ETAA1: variants seen among roughly 807,000 people sequenced by gnomAD.
ETAA1 encodes the protein ewing's tumor-associated antigen 1.
A neutral mutation model predicts 76.8 loss-of-function variants in ETAA1; 49 were observed. The ratio of observed to expected loss-of-function variants is 0.64; its 90% CI spans 0.51 to 0.81. The LOEUF (loss-of-function observed/expected upper bound fraction) is 0.81. ETAA1 is among the 30% of genes least tolerant of loss of function. ETAA1 has a pLI of 0.00. For missense variants in ETAA1, 1,099 were observed against 1,074.0 expected, an observed-to-expected ratio of 1.02 and a Z score of -0.32; for synonymous variants, 373 against 372.2, an observed-to-expected ratio of 1.00 and a Z score of -0.03.
At position 67,404,943 on chromosome 2, in the gene ETAA1, A is replaced by AG; in HGVS notation, c.2261_2262insG (p.Tyr754Ter). 3 of 1,613,120 alleles carry AG rather than the reference A, an allele frequency of 1.9e-6. No homozygotes were observed. The highest frequency in any genetic ancestry group is 2.5e-6 in the Non-Finnish European group (3 of 1,179,434). ...NCQINNLHVS[Y>*]TNTDVPIQVN... ...CAGATAAATAATCTGCATGTGTCTTATACTAACACTGATGTTCCAATACAA... is the reference window on the plus strand; with the variant it reads ...CAGATAAATAATCTGCATGTGTCTTAGTACTAACACTGATGTTCCAATACAA... The change falls in exon 5 of 6, where the codon TAT becomes TAGT. Residue 754 changes from tyrosine to a stop codon, truncating the protein, a stop_gained and frameshift_variant. Transcript: ENST00000272342. LOFTEE classifies it high-confidence loss of function.
rs1323117051 is a variant in ETAA1, at chr2:67,411,337, A to C, written c.*1299A>C. 6.6e-6 allele frequency: 1 copy of C among 152,078 alleles called. No homozygotes were observed. Among genetic ancestry groups the C allele is most frequent in the Non-Finnish European group, 1.5e-5 (1 of 68,004 alleles). The allele number at this position is 152,078 out of a possible 1,614,324, so 9.4% of individuals were successfully genotyped here. On this transcript the variant is annotated 3_prime_UTR_variant, in exon 6 of 6. Coordinates refer to ENST00000272342, the MANE Select transcript of ETAA1 (RefSeq NM_019002.4). ...TAGTTACTGCCCTATAGCTATACAG[A>C]TACTCCTCAACTTACCGTGTAGTTA...
intron 1 of ETAA1, among the ~76,000 whole-genome samples, chr2:67,398,060 G>A (rs964104394): frequency 6.6e-6 from 1 of 151,942 alleles, no homozygotes; most frequent in African/African-American, 2.4e-5. Flanking sequence ...TTTTTTCCCT[G>A]TGACCTGCTT....
Position 67,410,158 on chromosome 2 carries a change from T to TA in ETAA1, c.*120_*121insA. On this transcript the variant is annotated 3_prime_UTR_variant, in exon 6 of 6. Transcript: ENST00000272342. The stretch of plus-strand genomic sequence containing the variant: ...TGCTGACTTTTATAAAGCCTGGACT[T>TA]CTACTTTATTTAATAAATCAATGTT... 1.2e-6 allele frequency: 1 copy of TA among 864,772 alleles called. No homozygotes were observed. The highest frequency in any genetic ancestry group is 1.8e-6 in the Non-Finnish European group (1 of 547,844). 53.6% of individuals were successfully genotyped at this position (864,772 alleles called of 1,614,324 possible).
At chr2:67,400,624 T>TC (rs1676028746) in intron 3 of ETAA1, 1 of 152,226 alleles carries the variant, frequency 6.6e-6, no homozygotes, top group African/African-American at 2.4e-5. Flanking sequence ...CTTTTTGTTC[T>TC]CTTTTTCTTA....
intron 1 of ETAA1, 151 bp from the exon 2 acceptor site, chr2:67,399,018 G>A (rs1179791384): frequency 1.5e-6 from 1 of 668,956 alleles, no homozygotes; most frequent in African/African-American, 1.8e-5. Context: ...TGTGAAACAA[G>A]CATTTCTGTT....
At chr2:67,402,557 C>A in intron 3 of ETAA1, 1 of 158,794 alleles carries the variant, frequency 6.3e-6, no homozygotes, top group Non-Finnish European at 1.4e-5. Flanking sequence ...TAAAAACATG[C>A]TTCTGTTATT....
At position 67,404,029 on chromosome 2, in the gene ETAA1, A is replaced by G. The variant is rs1324600979; in HGVS notation, c.1347A>G (p.Ser449=). The G allele has an allele frequency of 6.2e-7, 1 of 1,607,972 alleles. No individual in the cohort carries two copies. ...GDSKVLQDLS[S]KTYDRELIDA... ...CAAAAGTATTACAAGATCTTTCTTCAAAGACATATGACAGAGAATTAATAG... is the reference window on the plus strand; with the variant it reads ...CAAAAGTATTACAAGATCTTTCTTCGAAGACATATGACAGAGAATTAATAG... Residue 449 remains serine, a synonymous_variant, in exon 5 of 6, where the codon TCA becomes TCG. Coordinates refer to ENST00000272342, the MANE Select transcript of ETAA1 (RefSeq NM_019002.4).
At chr2:67,405,374 T>C in intron 5 of ETAA1, 39 bp downstream of exon 5, 2 of 1,426,654 alleles carry the variant, frequency 1.4e-6, no homozygotes, top group Non-Finnish European at 9.4e-7. Flanking sequence ...TTGAAAAGCA[T>C]CTTAAAAAGT....
rs1676381675 is a variant in ETAA1 at position 67,411,892 on chromosome 2, C to T, written c.*1854C>T. 1 of 151,982 alleles carries T rather than the reference C, an allele frequency of 6.6e-6. No individual in the cohort carries two copies. The highest frequency in any genetic ancestry group is 2.4e-5 in the African/African-American group (1 of 41,408). The allele number at this position is 151,982 out of a possible 1,614,324, so 9.4% of individuals were successfully genotyped here. On this transcript the variant is annotated 3_prime_UTR_variant, in exon 6 of 6. Transcript: ENST00000272342. Reference sequence around the variant, plus strand: ...TTGGATATCTCTGTCCTTGCTTAAGCTCCTCCCTGCTTACTGCTTGCTTTT... The same window carrying T: ...TTGGATATCTCTGTCCTTGCTTAAGTTCCTCCCTGCTTACTGCTTGCTTTT...
intron 1 of ETAA1, among the ~76,000 whole-genome samples, chr2:67,398,838 A>G (rs1675973034): frequency 6.6e-6 from 1 of 152,200 alleles, no homozygotes; most frequent in Admixed American, 6.5e-5. Flanking sequence ...GGATTTTTGA[A>G]TGTACCTATA....
rs759808404 is a variant in ETAA1, at chr2:67,405,146, A to C, written c.2464A>C (p.Thr822Pro). 3 of 1,612,316 alleles carry C rather than the reference A, an allele frequency of 1.9e-6. No individual in the cohort carries two copies. The highest frequency in any genetic ancestry group is 3.3e-5 in the Admixed American group (2 of 59,760). ...CACAACAGTTGGATTTTCAAAGTTTACATTTACAAGGATGAAAAATTCTCA... is the reference window on the plus strand; with the variant it reads ...CACAACAGTTGGATTTTCAAAGTTTCCATTTACAAGGATGAAAAATTCTCA... ...LNTTVGFSKF[T>P]FTRMKNSQIL... Residue 822 changes from threonine (T) to proline (P), a missense_variant, in exon 5 of 6, where the codon ACA becomes CCA. Transcript: ENST00000272342.
At chr2:67,408,957 A>T (rs959264111) in intron 5 of ETAA1, among the ~76,000 whole-genome samples, 9 of 152,052 alleles carry the variant, frequency 5.9e-5, no homozygotes, top group Non-Finnish European at 1.0e-4. Flanking sequence ...TTAGGAAAAA[A>T]TATCTACAGT....
In ETAA1 at chr2:67,404,957, G is replaced by T; in HGVS notation, c.2275G>T (p.Val759Phe). 6.2e-7 allele frequency: 1 copy of T among 1,612,964 alleles called. No homozygotes were observed. The highest frequency in any genetic ancestry group is 1.3e-5 in the African/African-American group (1 of 75,006). ...NLHVSYTNTD[V>F]PIQVNSSKLV... The stretch of plus-strand genomic sequence containing the variant: ...GCATGTGTCTTATACTAACACTGAT[G>T]TTCCAATACAAGTGAATAGTTCCAA... Residue 759 changes from valine (V) to phenylalanine (F), a missense_variant, in exon 5 of 6, where the codon GTT becomes TTT. Val to Phe is a conservative substitution (Grantham distance 50). Transcript: ENST00000272342.
At position 67,404,236 on chromosome 2, in the gene ETAA1, T is replaced by A; in HGVS notation, c.1554T>A (p.Ser518=). 3 of 1,612,456 alleles carry A rather than the reference T, an allele frequency of 1.9e-6. No individual in the cohort carries two copies. Among genetic ancestry groups the A allele is most frequent in the Non-Finnish European group, 2.5e-6 (3 of 1,179,180 alleles). ...TTCTTACTAACTCTACTGAAGCTTC[T>A]GAAAGGAAGTCAGCTTTGAACACAA... The part of the protein sequence containing the change: ...EDILTNSTEA[S]ERKSALNTRY... The change falls in exon 5 of 6, where the codon TCT becomes TCA. Residue 518 remains serine, a synonymous_variant. Coordinates refer to ENST00000272342, the MANE Select transcript of ETAA1 (RefSeq NM_019002.4).
At chr2:67,399,766 C>T (rs1369777286) in intron 3 of ETAA1, 140 bp downstream of exon 3, 3 of 526,464 alleles carry the variant, frequency 5.7e-6, no homozygotes, top group Non-Finnish European at 1.0e-5. Flanking sequence ...ACTGTTTTGC[C>T]TTTTCTACTT....
At position 67,403,338 on chromosome 2, in the gene ETAA1, C is replaced by T. The variant is rs1676107567; in HGVS notation, c.656C>T (p.Thr219Ile). 1.2e-5 allele frequency: 20 copies of T among 1,605,644 alleles called. No homozygotes were observed. Among genetic ancestry groups the T allele is most frequent in the Non-Finnish European group, 1.6e-5 (19 of 1,173,470 alleles). Residue 219 changes from threonine (T) to isoleucine (I), a missense_variant, in exon 5 of 6, where the codon ACC becomes ATC. This residue lies in a region of ETAA1 where 761 missense variants were observed against 731.9 expected (regional missense o/e 1.04). Coordinates refer to ENST00000272342, the MANE Select transcript of ETAA1 (RefSeq NM_019002.4). Reference protein sequence around the residue: ...QEQNKRNYDFTQMISETEILS... With the variant: ...QEQNKRNYDFIQMISETEILS... The stretch of plus-strand genomic sequence containing the variant: ...CAAAACAAGAGGAATTATGATTTTA[C>T]CCAGATGATTTCAGAAACAGAGATT...
At position 67,404,403 on chromosome 2, in the gene ETAA1, G is replaced by T. The variant is rs748799551; in HGVS notation, c.1721G>T (p.Gly574Val). Residue 574 changes from glycine (G) to valine (V), a missense_variant, in exon 5 of 6, where the codon GGT (glycine) becomes GTT (valine). Physicochemically the swap from Gly to Val is moderately radical, Grantham distance 109. This residue lies in a region of ETAA1 where 761 missense variants were observed against 731.9 expected (regional missense o/e 1.04). Coordinates refer to ENST00000272342, the MANE Select transcript of ETAA1 (RefSeq NM_019002.4). ...NPNQTSASKV[G>V]SFFDDWNDPS... ...AATCAGACTAGTGCATCAAAAGTAG[G>T]TTCTTTCTTTGATGATTGGAATGAT... 1.9e-6 allele frequency: 3 copies of T among 1,613,218 alleles called. No homozygotes were observed. Among genetic ancestry groups the T allele is most frequent in the South Asian group, 1.1e-5 (1 of 91,060 alleles).
Position 67,397,737 on chromosome 2 carries a change from A to G in ETAA1, c.223+66A>G, listed in dbSNP as rs993305486. 1.8e-5 allele frequency: 26 copies of G among 1,464,038 alleles called. No individual in the cohort carries two copies. The African/African-American group carries it at 3.2e-4, about 18-fold the overall frequency. 90.7% of individuals were successfully genotyped at this position (1,464,038 alleles called of 1,614,324 possible). On this transcript the variant is annotated intron_variant, in intron 1 of 5. Coordinates refer to ENST00000272342, the MANE Select transcript of ETAA1 (RefSeq NM_019002.4). ...GCATCCCCACATCCCAGCTTGCAAC[A>G]GGGAAATCTGGGGTGGGGGTGGAGT...
chr2:67,412,015 C>T lies in ETAA1; in HGVS notation c.*1977C>T, dbSNP rs1220038506. On this transcript the variant is annotated 3_prime_UTR_variant, in exon 6 of 6. Transcript: ENST00000272342. ...TAACCATCTTCACTGGAATTGATTG[C>T]TTCTCTCTGATCATAATGGTACTAA... The T allele has an allele frequency of 6.6e-6, 1 of 151,984 alleles. No individual in the cohort carries two copies. The highest frequency in any genetic ancestry group is 6.6e-5 in the Admixed American group (1 of 15,238). 9.4% of individuals were successfully genotyped at this position (151,984 alleles called of 1,614,324 possible). A position where few individuals can be genotyped will look rare whatever the true frequency, so the allele number is the denominator to read the frequency against.
Sources: gnomAD v4.1 joint callset for allele counts (sites outside exome capture counted in the v4.1 genomes callset) on GRCh38, gnomAD v4.1.1 for gene constraint, gnomAD v4.1.1 regional missense constraint, MANE v1.5 for transcripts, NCBI Gene and HGNC (gene_info 2026-07-23, HGNC 2026-07-21) for gene names.